Variants in LRP2 observed in about 807,000 individuals in gnomAD.
LRP2 encodes LDL receptor related protein 2.
LRP2 carries 172 observed loss-of-function variants against 531.0 expected under a neutral mutation model. The observed-to-expected ratio is 0.32, with a 90% confidence interval of 0.29 to 0.37. The LOEUF is 0.37. LRP2 is among the 10% of genes least tolerant of loss of function. The probability of loss-of-function intolerance (pLI) is 1.00; values close to 1 mark genes in which losing one functional copy is unlikely to be tolerated. For missense variants in LRP2, 5,167 were observed against 5,868.3 expected (o/e 0.88, Z 3.90); for synonymous variants, 1,992 against 2,027.6 (o/e 0.98, Z 0.47).
chr2:169,266,148 C>G (rs1007846858), intron 16 of LRP2, among the ~76,000 whole-genome samples: 1 of 151,286 alleles, frequency 6.6e-6, no homozygotes, highest in South Asian at 2.1e-4. Flanking sequence ...TTAATTTAAC[C>G]AAAAATTATA....
rs902866356 is a variant in LRP2 at position 169,233,111 on chromosome 2, G to T, written c.5098+300C>A. 2.0e-5 allele frequency among the ~76,000 whole-genome samples: 3 copies of T among 152,194 alleles called. No individual in the cohort carries two copies. In the East Asian group the frequency reaches 5.8e-4, roughly 29 times the overall value. ...GAGGATCGAAGGCACTATCTGGTCTGTACTCCATTTGTCAGCTGAGGAAAC... is the reference window on the plus strand; with the variant it reads ...GAGGATCGAAGGCACTATCTGGTCTTTACTCCATTTGTCAGCTGAGGAAAC... On this transcript the variant is annotated intron_variant, in intron 30 of 78. Coordinates refer to ENST00000649046, the MANE Select transcript of LRP2 (RefSeq NM_004525.3).
At chr2:169,263,133 A>G (rs1486885627) in intron 16 of LRP2, among the ~76,000 whole-genome samples, 1 of 152,232 alleles carries the variant, frequency 6.6e-6, no homozygotes, top group African/African-American at 2.4e-5. Context: ...ACCTAAAACC[A>G]TAAAAACCCT....
rs1265129636 is a variant in LRP2 at position 169,185,811 on chromosome 2, G to T, written c.9537C>A (p.Ala3179=). ...NVIGSYICKC[A]PGYLREPDGK... is the part of the protein sequence containing the mutation. ...CATCTGGTTCTCGGAGGTAGCCTGG[G>T]GCACACTTACAGATGTAGGAGCCTA... Residue 3179 remains alanine, a synonymous_variant, in exon 50 of 79, where the codon GCC becomes GCA. Coordinates refer to ENST00000649046, the MANE Select transcript of LRP2 (RefSeq NM_004525.3). 1 of 1,613,146 alleles carries T rather than the reference G, an allele frequency of 6.2e-7. No individual in the cohort carries two copies. The highest frequency in any genetic ancestry group is 2.2e-5 in the East Asian group (1 of 44,826).
Position 169,259,140 on chromosome 2 carries a change from A to G in LRP2, c.2398T>C (p.Trp800Arg), listed in dbSNP as rs1690432252. The part of the protein sequence containing the change: ...AFDWISKNLY[W>R]TDSHYKSISV... The stretch of plus-strand genomic sequence containing the variant: ...ATACTCTTGTAATGAGAGTCTGTCC[A>G]ATAGAGATTCTTTGAAATCCAATCA... The change falls in exon 17 of 79, where the codon TGG becomes CGG. Residue 800 changes from tryptophan (W) to arginine (R), a missense_variant. Around this residue, in one of 6 missense-constraint regions of LRP2, gnomAD observed 2,811 missense variants for 3,058.0 expected, o/e 0.92. Coordinates refer to ENST00000649046, the MANE Select transcript of LRP2 (RefSeq NM_004525.3). 1 of 1,613,220 alleles carries G rather than the reference A, an allele frequency of 6.2e-7. No homozygotes were observed. Among genetic ancestry groups the G allele is most frequent in the African/African-American group, 1.3e-5 (1 of 74,874 alleles).
At chr2:169,234,667 A>G (rs1275580305) in intron 29 of LRP2, among the ~76,000 whole-genome samples, 1 of 152,122 alleles carries the variant, frequency 6.6e-6, no homozygotes, top group East Asian at 1.9e-4. Flanking sequence ...GTCAAATGGT[A>G]TTTCTGGTTC....
intron 1 of LRP2, among the ~76,000 whole-genome samples, chr2:169,345,703 A>T (rs191593838): frequency 6.6e-6 from 1 of 152,018 alleles, no homozygotes; most frequent in Admixed American, 6.6e-5. Flanking sequence ...CAGATAGAAA[A>T]ATGGAGGTTT....
chr2:169,171,557 A>G lies in LRP2; in HGVS notation c.11263+458T>C, dbSNP rs967357426. On this transcript the variant is annotated intron_variant, in intron 58 of 78. Transcript: ENST00000649046. Reference sequence around the variant, plus strand: ...GTCAACTATTCTAGGAAGGGTAATAATGCAAACACAAGTTCTCTCTCCTCT... The same window carrying G: ...GTCAACTATTCTAGGAAGGGTAATAGTGCAAACACAAGTTCTCTCTCCTCT... 5.3e-5 allele frequency among the ~76,000 whole-genome samples: 8 copies of G among 152,312 alleles called. 1 individual carries two copies. In the Middle Eastern group the frequency reaches 0.017, roughly 324 times the overall value.
chr2:169,248,719 G>C (rs1442548323), intron 19 of LRP2, among the ~76,000 whole-genome samples: 2 of 125,768 alleles, frequency 1.6e-5, no homozygotes, highest in African/African-American at 6.7e-5. Context: ...TTCCATCTGA[G>C]GTACCGGGTT....
intron 63 of LRP2, among the ~76,000 whole-genome samples, chr2:169,160,511 G>T (rs1427503761): frequency 6.6e-6 from 1 of 151,862 alleles, no homozygotes; most frequent in African/African-American, 2.4e-5. Context: ...GGAGAAAAAA[G>T]ACAAAGGCAA....
rs144097299 is a variant in LRP2, at chr2:169,138,935, A to C, written c.13389-229T>G. ...GAACCATGAGATCTAAAAGAAAAAG[A>C]GTCCAGCACATAGAAGGATAAAGCC... On this transcript the variant is annotated intron_variant, in intron 74 of 78. Transcript: ENST00000649046. Among the ~76,000 whole-genome samples, 588 of 152,298 alleles carry C rather than the reference A, an allele frequency of 3.9e-3. 7 individuals carry two copies. The highest frequency in any genetic ancestry group is 0.014 in the African/African-American group (563 of 41,548).
In LRP2 at chr2:169,185,931, A is replaced by ATAAT; in HGVS notation, c.9416_9417insATTA (p.Gly3140LeufsTer8). On this transcript the variant is annotated frameshift_variant, in exon 50 of 79. Transcript: ENST00000649046. LOFTEE classifies it high-confidence loss of function. ...GCTTGTCAGACATGAGCTTGTAACC[A>ATAAT]GGACGACAGGAACAATAGAAACTGG... is the stretch of plus-strand genomic sequence containing the variant. 6.2e-7 allele frequency: 1 copy of ATAAT among 1,614,024 alleles called. No individual in the cohort carries two copies. The highest frequency in any genetic ancestry group is 8.5e-7 in the Non-Finnish European group (1 of 1,179,976).
chr2:169,154,644 A>G (rs896820572), intron 65 of LRP2, 41 bp from the exon 66 acceptor site: 1 of 1,590,452 alleles, frequency 6.3e-7, no homozygotes, highest in African/African-American at 1.3e-5. Context: ...TTTGAATTAT[A>G]CTTTCCTATA....
At chr2:169,289,181 G>T in intron 8 of LRP2, 36 bp from the exon 9 acceptor site, 1 of 1,612,924 alleles carries the variant, frequency 6.2e-7, no homozygotes, top group South Asian at 1.1e-5. Context: ...AATGAATGGT[G>T]ACCTCTGGAC....
At position 169,275,115 on chromosome 2, in the gene LRP2, C is replaced by T. The variant is rs1269857975; in HGVS notation, c.1896G>A (p.Glu632=). ...CCTGGTAGTACACTTGTGGGTTGGT[C>T]TCTGTGAACTTGTTTGCCTTCAGCA... is the stretch of plus-strand genomic sequence containing the variant. The part of the protein sequence containing the change: ...MAVLKANKFT[E]TNPQVYYQAS... The change falls in exon 14 of 79, where the codon GAG becomes GAA. Residue 632 remains glutamate, a synonymous_variant. Coordinates refer to ENST00000649046, the MANE Select transcript of LRP2 (RefSeq NM_004525.3). 1 of 1,613,744 alleles carries T rather than the reference C, an allele frequency of 6.2e-7. No individual in the cohort carries two copies. The highest frequency in any genetic ancestry group is 8.5e-7 in the Non-Finnish European group (1 of 1,179,854).
At chr2:169,338,301 A>AG (rs1574271235) in intron 1 of LRP2, among the ~76,000 whole-genome samples, 4 of 150,174 alleles carry the variant, frequency 2.7e-5, no homozygotes, top group Non-Finnish European at 4.4e-5. Flanking sequence ...AAAGGAAGGA[A>AG]GAAAGAAAGA....
chr2:169,259,256 A>G (rs1690438502), intron 16 of LRP2, 39 bp from the exon 17 acceptor site: 1 of 1,505,330 alleles, frequency 6.6e-7, no homozygotes, highest in Admixed American at 1.7e-5. Flanking sequence ...AGCTAAGTAT[A>G]TTTTGTAAGG....
intron 16 of LRP2, among the ~76,000 whole-genome samples, chr2:169,270,334 C>T (rs6748227): frequency 0.95 from 144,198 of 152,212 alleles, 68,794 homozygotes; most frequent in East Asian, 1. Flanking sequence ...CTATTCACAA[C>T]AGCAAAAACT....
chr2:169,177,584 G>A (rs139917652), intron 53 of LRP2, among the ~76,000 whole-genome samples: 28 of 152,138 alleles, frequency 1.8e-4, no homozygotes, highest in African/African-American at 5.3e-4. Context: ...AGAATTGAGC[G>A]AGTTTTAAGA....
chr2:169,132,073 T>C (rs1289099422), intron 77 of LRP2, among the ~76,000 whole-genome samples: 1 of 152,174 alleles, frequency 6.6e-6, no homozygotes, highest in Non-Finnish European at 1.5e-5. Flanking sequence ...AGTTAGATGA[T>C]TGGTTGGCCA....
Sources: allele counts gnomAD v4.1 joint callset (sites outside exome capture counted in the v4.1 genomes callset), GRCh38; gene constraint gnomAD v4.1.1; regional missense constraint gnomAD v4.1.1; transcripts MANE v1.5; gene names NCBI Gene and HGNC (gene_info 2026-07-23, HGNC 2026-07-21).